The following RYR3 variants were observed in gnomAD, a reference collection of about 807,000 sequenced individuals.
The protein encoded by RYR3 is brain ryanodine receptor-calcium release channel.
Under a neutral mutation model 584.3 loss-of-function variants are expected in RYR3, and 207 were observed. That is an observed-to-expected ratio of 0.35 (90% confidence interval 0.32 to 0.40). RYR3 has a LOEUF of 0.40. RYR3 is among the 10% of genes least tolerant of loss of function. RYR3 has a pLI of 1.00. For missense variants in RYR3, 5,616 were observed against 6,089.2 expected, an observed-to-expected ratio of 0.92 and a Z score of 2.59; for synonymous variants, 2,416 against 2,248.5, an observed-to-expected ratio of 1.07 and a Z score of -2.11.
At chr15:33,354,067 G>A (rs1973641938) in intron 1 of RYR3, among the ~76,000 whole-genome samples, 1 of 152,138 alleles carries the variant, frequency 6.6e-6, no homozygotes, top group Admixed American at 6.5e-5. Context: ...TTTGACAAGT[G>A]GTTTGGGTTC....
chr15:33,844,998 G>A lies in RYR3; in HGVS notation c.13433G>A (p.Arg4478His), dbSNP rs770380711. 2.3e-5 allele frequency: 37 copies of A among 1,613,842 alleles called. No homozygotes were observed. Among genetic ancestry groups the A allele is most frequent in the Admixed American group, 3.3e-5 (2 of 60,006 alleles). The change falls in exon 93 of 104, where the codon CGT becomes CAT. Residue 4478 changes from arginine (R) to histidine (H), a missense_variant. Coordinates refer to ENST00000634891, the MANE Select transcript of RYR3 (RefSeq NM_001036.6). ...ACCGGGTATATGGCACCAACCCTGC[G>A]TGCCCTGGCCATCATCCATACCATC... ...ESTGYMAPTL[R>H]ALAIIHTIIS...
chr15:33,634,829 G>T, intron 25 of RYR3, 96 bp downstream of exon 25: 10 of 1,024,158 alleles, frequency 9.8e-6, no homozygotes, highest in African/African-American at 1.6e-5. Flanking sequence ...TTGTACTATT[G>T]GAAATAGTAT....
rs2152677633 is a variant in RYR3 at position 33,646,451 on chromosome 15, G to A, written c.3866G>A (p.Arg1289His). 3 of 1,613,880 alleles carry A rather than the reference G, an allele frequency of 1.9e-6. No individual in the cohort carries two copies. The highest frequency in any genetic ancestry group is 1.7e-6 in the Non-Finnish European group (2 of 1,179,840). Residue 1289 changes from arginine to histidine, a missense_variant, in exon 29 of 104, where the codon CGC (arginine) becomes CAC (histidine). By Grantham distance (29) the Arg-to-His change is conservative. Transcript: ENST00000634891. ...QNSNADMIYC[R>H]LSMPVECHSS... ...AGCAATGCCGACATGATCTATTGCC[G>A]CTTGAGCATGCCTGTCGAGTGCCAC... is the stretch of plus-strand genomic sequence containing the variant.
At chr15:33,488,677 CCCG>C (rs2050702982) in intron 2 of RYR3, among the ~76,000 whole-genome samples, 5 of 151,908 alleles carry the variant, frequency 3.3e-5, no homozygotes, top group Admixed American at 3.3e-4. Context: ...ATGGTGAAAC[CCCG>C]TCTCTACTAA....
chr15:33,789,063 G>A lies in RYR3; in HGVS notation c.9830+605G>A, dbSNP rs551951719. ...GTTTGGAACCAGAAAGATCTGGGGC[G>A]GGGGTGTTGCAGGAAGAGGAAACGT... On this transcript the variant is annotated intron_variant, in intron 67 of 103. Transcript: ENST00000634891. Among the ~76,000 whole-genome samples the A allele has an allele frequency of 7.2e-5, 11 of 152,244 alleles. No individual in the cohort carries two copies. In the South Asian group the frequency reaches 1.9e-3, roughly 26 times the overall value.
chr15:33,829,145 C>T (rs2077529422), intron 85 of RYR3, among the ~76,000 whole-genome samples: 1 of 151,526 alleles, frequency 6.6e-6, no homozygotes, highest in Admixed American at 6.6e-5. Context: ...TATTTTAAGC[C>T]CACTGTTGAC....
At chr15:33,616,947 A>G (rs1253856800) in intron 19 of RYR3, among the ~76,000 whole-genome samples, 2 of 152,194 alleles carry the variant, frequency 1.3e-5, no homozygotes, top group Admixed American at 6.5e-5. Flanking sequence ...ATAAATCAAA[A>G]TAAACCGATT....
intron 43 of RYR3, among the ~76,000 whole-genome samples, chr15:33,714,401 A>G (rs1033484666): frequency 6.6e-6 from 1 of 152,188 alleles, no homozygotes; most frequent in African/African-American, 2.4e-5. Context: ...GTTTTAAGGC[A>G]TATAATTTGC....
chr15:33,402,865 G>A (rs936243688), intron 1 of RYR3, among the ~76,000 whole-genome samples: 1 of 152,198 alleles, frequency 6.6e-6, no homozygotes, highest in Non-Finnish European at 1.5e-5. Context: ...GGACTAATTA[G>A]GTTGACCATG....
intron 1 of RYR3, among the ~76,000 whole-genome samples, chr15:33,461,166 G>C (rs1596244670): frequency 1.3e-5 from 2 of 151,762 alleles, no homozygotes; most frequent in South Asian, 4.2e-4. Context: ...GGATGGTCTT[G>C]ATCTCCTGAC....
Position 33,456,139 on chromosome 15 carries a change from A to G in RYR3, c.52-17280A>G, listed in dbSNP as rs984371177. Among the ~76,000 whole-genome samples the G allele has an allele frequency of 2.6e-5, 4 of 152,272 alleles. 1 individual carries two copies. Among genetic ancestry groups the G allele is most frequent in the Middle Eastern group, 3.4e-3 (1 of 294 alleles). ...ATATCTCATTTCGATCTCCTCTGCT[A>G]TGTTTTTAGGGCTAGTCTGTCTCAT... On this transcript the variant is annotated intron_variant, in intron 1 of 103. Coordinates refer to ENST00000634891, the MANE Select transcript of RYR3 (RefSeq NM_001036.6).
chr15:33,467,620 G>A (rs1170289581), intron 1 of RYR3: 2 of 243,952 alleles, frequency 8.2e-6, no homozygotes, highest in Non-Finnish European at 1.3e-5. Flanking sequence ...TGAAATCTAA[G>A]CAAAGAGAGC....
At chr15:33,634,199 G>A (rs1002744796) in intron 24 of RYR3, among the ~76,000 whole-genome samples, 3 of 152,034 alleles carry the variant, frequency 2.0e-5, no homozygotes, top group African/African-American at 7.3e-5. Context: ...TTACAGGCAT[G>A]TGCCACCACA....
chr15:33,741,423 A>G (rs2070090237), intron 51 of RYR3, among the ~76,000 whole-genome samples: 1 of 152,152 alleles, frequency 6.6e-6, no homozygotes, highest in South Asian at 2.1e-4. Context: ...CCGTGGAGAG[A>G]AAGTCTGATT....
At position 33,726,478 on chromosome 15, in the gene RYR3, C is replaced by A; in HGVS notation, c.7005C>A (p.Ile2335=). ...PTEDLVGIIS[I]PLKLPSLNKD... ...AAGACCTGGTTGGGATCATCAGCAT[C>A]CCCTTGAAACTGCCCTCCCTCAACA... is the stretch of plus-strand genomic sequence containing the variant. The change falls in exon 46 of 104, where the codon ATC becomes ATA. Residue 2335 remains isoleucine (I), a synonymous_variant. Transcript: ENST00000634891. The A allele has an allele frequency of 6.2e-7, 1 of 1,602,740 alleles. No individual in the cohort carries two copies. The highest frequency in any genetic ancestry group is 2.2e-5 in the East Asian group (1 of 44,472).
intron 1 of RYR3, among the ~76,000 whole-genome samples, chr15:33,332,316 G>A (rs11636989): frequency 3.9e-5 from 6 of 151,970 alleles, no homozygotes; most frequent in South Asian, 2.1e-4. Context: ...ATTGGCATGC[G>A]TCTGAAAATA....
At chr15:33,349,558 C>T (rs1331021522) in intron 1 of RYR3, among the ~76,000 whole-genome samples, 1 of 151,422 alleles carries the variant, frequency 6.6e-6, no homozygotes, top group Non-Finnish European at 1.5e-5. Context: ...TGCTTTTTTC[C>T]TCCCATTTGT....
chr15:33,398,311 A>G (rs1389485061), intron 1 of RYR3, among the ~76,000 whole-genome samples: 1 of 152,222 alleles, frequency 6.6e-6, no homozygotes, highest in Non-Finnish European at 1.5e-5. Context: ...TGCTGTGGGT[A>G]TCAGGCGCAC....
In RYR3 at chr15:33,726,512, G is replaced by A. The variant is rs1384516147; in HGVS notation, c.7033+6G>A. ...ACTGCCCTCCCTCAACAAAGGTAAG[G>A]GGAGTGACTGCAGGCTGCAGCAGCA... is the stretch of plus-strand genomic sequence containing the variant. On this transcript the variant is annotated splice_donor_region_variant and intron_variant, in intron 46 of 103. Coordinates refer to ENST00000634891, the MANE Select transcript of RYR3 (RefSeq NM_001036.6). The A allele has an allele frequency of 1.3e-6, 2 of 1,583,372 alleles. No individual in the cohort carries two copies. Among genetic ancestry groups the A allele is most frequent in the Admixed American group, 1.8e-5 (1 of 55,596 alleles).
Sources: gnomAD v4.1 joint callset for allele counts (sites outside exome capture counted in the v4.1 genomes callset) on GRCh38, gnomAD v4.1.1 for gene constraint, MANE v1.5 for transcripts, NCBI Gene and HGNC (gene_info 2026-07-23, HGNC 2026-07-21) for gene names.